Variants in THRAP3 observed in about 807,000 individuals in gnomAD.
THRAP3 encodes the protein thyroid hormone receptor associated protein 3.
Under a neutral mutation model 101.0 loss-of-function variants are expected in THRAP3, and 16 were observed. The ratio of observed to expected loss-of-function variants is 0.16; its 90% CI spans 0.11 to 0.24. The LOEUF is 0.24. Ranked by LOEUF, THRAP3 falls within the 10% of genes least tolerant of loss-of-function variation. The probability of loss-of-function intolerance (pLI) is 1.00; values close to 1 mark genes in which losing one functional copy is unlikely to be tolerated. For missense variants in THRAP3, 989 were observed against 1,202.7 expected, an observed-to-expected ratio of 0.82 and a Z score of 2.63; for synonymous variants, 407 against 422.6, an observed-to-expected ratio of 0.96 and a Z score of 0.45.
In THRAP3 at chr1:36,305,165, C is replaced by T. The variant is rs1000605516; in HGVS notation, c.*1148C>T. The T allele has an allele frequency of 2.7e-5, 6 of 220,566 alleles. No individual in the cohort carries two copies. In the East Asian group the frequency reaches 3.3e-4, roughly 12 times the overall value. The allele number at this position is 220,566 out of a possible 1,614,324, so 13.7% of individuals were successfully genotyped here. On this transcript the variant is annotated 3_prime_UTR_variant, in exon 12 of 12. Transcript: ENST00000354618. ...AAGGCATTTATGCATATGTTATATG[C>T]GGACTGCACCCACCTCTCCCCCCCA...
chr1:36,276,010 C>A (rs1645655005), intron 2 of THRAP3, among the ~76,000 whole-genome samples: 2 of 152,014 alleles, frequency 1.3e-5, no homozygotes, highest in Non-Finnish European at 2.9e-5. Context: ...CAGAGTGAAA[C>A]CCTGTCTCTA....
chr1:36,295,417 C>T (rs1207926343), intron 8 of THRAP3, among the ~76,000 whole-genome samples: 1 of 152,100 alleles, frequency 6.6e-6, no homozygotes, highest in African/African-American at 2.4e-5. Context: ...CTACCATGCA[C>T]CTTTGCCCCA....
At position 36,289,303 on chromosome 1, in the gene THRAP3, G is replaced by C. The variant is rs1645835092; in HGVS notation, c.1284G>C (p.Glu428Asp). The C allele has an allele frequency of 6.2e-7, 1 of 1,614,134 alleles. No individual in the cohort carries two copies. The highest frequency in any genetic ancestry group is 1.7e-5 in the Admixed American group (1 of 60,016). The change falls in exon 5 of 12, where the codon GAG (glutamate) becomes GAC (aspartate). Residue 428 changes from glutamate to aspartate, a missense_variant. Glu to Asp is a conservative substitution (Grantham distance 45). Coordinates refer to ENST00000354618, the MANE Select transcript of THRAP3 (RefSeq NM_005119.4). ...FEKKMADFHKEEMDDQDKDKA... is the reference protein window; with the variant it reads ...FEKKMADFHKDEMDDQDKDKA... The stretch of plus-strand genomic sequence containing the variant: ...AGAAGATGGCTGACTTCCACAAGGA[G>C]GAGATGGATGATCAAGATAAGGACA...
At chr1:36,288,089 A>G in intron 4 of THRAP3, 1 of 984,716 alleles carries the variant, frequency 1.0e-6, no homozygotes, top group Non-Finnish European at 1.2e-6. Context: ...AGCTTTCTGC[A>G]TTAATGGTAC....
At chr1:36,268,817 C>A (rs1645549713) in intron 2 of THRAP3, among the ~76,000 whole-genome samples, 1 of 152,070 alleles carries the variant, frequency 6.6e-6, no homozygotes, top group African/African-American at 2.4e-5. Context: ...GCTCCACCTC[C>A]CAGGTTCAAG....
chr1:36,257,095 C>T (rs1645385752), intron 1 of THRAP3, among the ~76,000 whole-genome samples: 1 of 152,152 alleles, frequency 6.6e-6, no homozygotes, highest in Non-Finnish European at 1.5e-5. Flanking sequence ...CCGCGCTTGG[C>T]CAACATTGCA....
chr1:36,235,633 G>T (rs1020480463), intron 1 of THRAP3, among the ~76,000 whole-genome samples: 3 of 151,924 alleles, frequency 2.0e-5, no homozygotes, highest in Non-Finnish European at 4.4e-5. Context: ...GTGAAGGTTT[G>T]GGGAAATTCT....
intron 1 of THRAP3, among the ~76,000 whole-genome samples, chr1:36,236,310 T>TAATA (rs1413910533): frequency 6.6e-6 from 1 of 151,990 alleles, no homozygotes; most frequent in Non-Finnish European, 1.5e-5. Context: ...CAGTGTCTAT[T>TAATA]AAGTATATGT....
chr1:36,255,291 A>T (rs1016787912), intron 1 of THRAP3, among the ~76,000 whole-genome samples: 2 of 152,176 alleles, frequency 1.3e-5, no homozygotes, highest in African/African-American at 4.8e-5. Flanking sequence ...TCAGGTTCAC[A>T]AGAGTGGGCA....
intron 1 of THRAP3, among the ~76,000 whole-genome samples, chr1:36,250,919 G>A (rs2124452620): frequency 6.6e-6 from 1 of 150,800 alleles, no homozygotes; most frequent in East Asian, 2.1e-4. Flanking sequence ...GCTAATTTTT[G>A]TATTTTTAGT....
the THRAP3 span, among the ~76,000 whole-genome samples, chr1:36,215,827 G>A: frequency 2.6e-5 from 4 of 151,364 alleles, no homozygotes; most frequent in South Asian, 2.1e-4. Context: ...TCAGCTCAAC[G>A]CAACCTCTGC....
chr1:36,301,734 C>CT, intron 11 of THRAP3, 38 bp downstream of exon 11: 3 of 1,586,162 alleles, frequency 1.9e-6, no homozygotes, highest in Non-Finnish European at 2.6e-6. Context: ...GTTAGAGGGC[C>CT]TTTGACACAC....
intron 2 of THRAP3, among the ~76,000 whole-genome samples, chr1:36,264,417 G>T (rs1328736313): frequency 2.0e-5 from 3 of 152,224 alleles, no homozygotes; most frequent in African/African-American, 7.2e-5. Flanking sequence ...CCAGGAATGG[G>T]TGGCAGAGCC....
intron 1 of THRAP3, among the ~76,000 whole-genome samples, chr1:36,246,821 G>A (rs1448086343): frequency 1.3e-5 from 2 of 151,700 alleles, no homozygotes; most frequent in Non-Finnish European, 2.9e-5. Context: ...CAGCCTGGGC[G>A]ACAGAGTGAG....
intron 1 of THRAP3, among the ~76,000 whole-genome samples, chr1:36,258,338 A>G (rs1415904218): frequency 1.3e-5 from 2 of 152,368 alleles, no homozygotes; most frequent in South Asian, 2.1e-4. Flanking sequence ...GCGAGAAGAC[A>G]TGAAAAAGTA....
chr1:36,212,788 G>T, the THRAP3 span, among the ~76,000 whole-genome samples: 1 of 152,166 alleles, frequency 6.6e-6, no homozygotes, highest in African/African-American at 2.4e-5. Context: ...TGCTGAACTG[G>T]CAGAGCAACA....
intron 4 of THRAP3, 25 bp downstream of exon 4, chr1:36,287,295 G>A: frequency 6.4e-7 from 1 of 1,559,812 alleles, no homozygotes; most frequent in African/African-American, 1.4e-5. Context: ...TCCCCTGCCT[G>A]GTTGTGTTTT....
the THRAP3 span, among the ~76,000 whole-genome samples, chr1:36,216,085 A>C: frequency 6.6e-6 from 1 of 152,128 alleles, no homozygotes; most frequent in African/African-American, 2.4e-5. Flanking sequence ...ACCATTAAAA[A>C]ATGTAAAAAT....
chr1:36,255,132 C>T (rs1219711198), intron 1 of THRAP3, among the ~76,000 whole-genome samples: 1 of 152,042 alleles, frequency 6.6e-6, no homozygotes, highest in African/African-American at 2.4e-5. Flanking sequence ...TTTTGTTATT[C>T]ATTAGATACT....
Sources: allele counts gnomAD v4.1 joint callset (sites outside exome capture counted in the v4.1 genomes callset), GRCh38; gene constraint gnomAD v4.1.1; transcripts MANE v1.5; gene names NCBI Gene and HGNC (gene_info 2026-07-23, HGNC 2026-07-21).